The following TXNRD1 variants were observed in gnomAD, a reference collection of about 807,000 sequenced individuals.
TXNRD1 encodes thioredoxin reductase 1, cytoplasmic.
A neutral mutation model predicts 80.3 loss-of-function variants in TXNRD1; 57 were observed. The observed-to-expected ratio is 0.71, with a 90% confidence interval of 0.57 to 0.89. TXNRD1 has a LOEUF of 0.89. TXNRD1 is among the 40% of genes least tolerant of loss of function. The pLI, the probability that TXNRD1 is intolerant of heterozygous loss-of-function variation, is 0.00. For missense variants in TXNRD1, 730 were observed against 803.0 expected, an observed-to-expected ratio of 0.91 and a Z score of 1.10; for synonymous variants, 291 against 285.2, an observed-to-expected ratio of 1.02 and a Z score of -0.20.
chr12:104,291,761 C>G (rs969550055), intron 4 of TXNRD1, among the ~76,000 whole-genome samples: 1 of 152,140 alleles, frequency 6.6e-6, no homozygotes, highest in Admixed American at 6.5e-5. Context: ...GGATTATGGG[C>G]GTGAGCCACC....
At chr12:104,229,562 C>CATTTTATTTTATTTTATTTT (rs201478909) in intron 1 of TXNRD1, among the ~76,000 whole-genome samples, 6,635 of 141,904 alleles carry the variant, frequency 0.047, 241 homozygotes, top group African/African-American at 0.084. Context: ...GAATATACAA[C>CATTTTATTTTATTTTATTTT]ATTTTATTTT....
chr12:104,258,581 C>T (rs953476444), intron 3 of TXNRD1, among the ~76,000 whole-genome samples: 2 of 152,130 alleles, frequency 1.3e-5, no homozygotes, highest in African/African-American at 2.4e-5. Context: ...GACCATGGTG[C>T]TCCTTTTTTG....
intron 2 of TXNRD1, among the ~76,000 whole-genome samples, chr12:104,256,493 G>A (rs7138317): frequency 0.91 from 138,382 of 152,194 alleles, 63,152 homozygotes; most frequent in African/African-American, 0.98. Context: ...TAAGAAAAAG[G>A]CTACTGGCTG....
At chr12:104,271,398 C>T (rs946244844) in intron 3 of TXNRD1, among the ~76,000 whole-genome samples, 4 of 151,882 alleles carry the variant, frequency 2.6e-5, no homozygotes, top group Admixed American at 1.3e-4. Flanking sequence ...AGGATGGTCT[C>T]GATCTCCTGA....
chr12:104,234,653 AAAAG>A (rs1192299488), intron 1 of TXNRD1, among the ~76,000 whole-genome samples: 19 of 151,648 alleles, frequency 1.3e-4, no homozygotes, highest in African/African-American at 4.3e-4. Flanking sequence ...AAAAAAAAAA[AAAAG>A]AAGCCTTCCA....
At chr12:104,238,205 C>G (rs1346785301) in intron 1 of TXNRD1, among the ~76,000 whole-genome samples, 3 of 152,094 alleles carry the variant, frequency 2.0e-5, no homozygotes, top group Non-Finnish European at 4.4e-5. Flanking sequence ...CAATTGTTGT[C>G]TTGCTTTGTT....
intron 1 of TXNRD1, among the ~76,000 whole-genome samples, chr12:104,226,997 T>C (rs1169407227): frequency 6.6e-6 from 1 of 152,136 alleles, no homozygotes; most frequent in African/African-American, 2.4e-5. Flanking sequence ...GTAATAAATA[T>C]GTTAAGACCC....
intron 16 of TXNRD1, among the ~76,000 whole-genome samples, chr12:104,340,825 G>C (rs1375870868): frequency 6.6e-6 from 1 of 151,922 alleles, no homozygotes; most frequent in African/African-American, 2.4e-5. Context: ...AGGGTTATGG[G>C]GACACAATTC....
chr12:104,256,814 G>T (rs2033262180), intron 2 of TXNRD1, among the ~76,000 whole-genome samples: 1 of 149,392 alleles, frequency 6.7e-6, no homozygotes, highest in African/African-American at 2.5e-5. Flanking sequence ...GAAAGAAAAA[G>T]AAGACTAATG....
intron 10 of TXNRD1, among the ~76,000 whole-genome samples, chr12:104,323,378 G>A (rs1012840620): frequency 1.3e-5 from 2 of 149,372 alleles, no homozygotes; most frequent in Non-Finnish European, 3.0e-5. Flanking sequence ...CAGTAGGGGC[G>A]GCCGGGGCGG....
At chr12:104,303,759 C>G in intron 4 of TXNRD1, 1 of 1,128,514 alleles carries the variant, frequency 8.9e-7, no homozygotes. Context: ...GTCCTCGGCT[C>G]TAACTGCCGC....
At chr12:104,228,013 A>G (rs904557670) in intron 1 of TXNRD1, among the ~76,000 whole-genome samples, 6 of 152,096 alleles carry the variant, frequency 3.9e-5, no homozygotes, top group African/African-American at 1.4e-4. Flanking sequence ...TTAAAAATTG[A>G]TATATAAGGC....
intron 1 of TXNRD1, among the ~76,000 whole-genome samples, chr12:104,246,720 A>G (rs548864876): frequency 7.9e-5 from 12 of 151,614 alleles, no homozygotes; most frequent in Admixed American, 7.2e-4. Context: ...ACTGGGTTTC[A>G]CCATGTTGAC....
intron 16 of TXNRD1, among the ~76,000 whole-genome samples, chr12:104,348,068 C>G (rs2036550625): frequency 6.6e-6 from 1 of 152,180 alleles, no homozygotes; most frequent in South Asian, 2.1e-4. Context: ...AGAGGGTTGA[C>G]AAGCACCTGT....
rs1160121897 is a variant in TXNRD1 at position 104,232,334 on chromosome 12, G to T, written c.91+16441G>T. On this transcript the variant is annotated intron_variant, in intron 1 of 16. Coordinates refer to ENST00000525566, the MANE Select transcript of TXNRD1 (RefSeq NM_001093771.3). ...TCCCAACACTTTGGGAGGCCGAGGT[G>T]GGCAGATCATGAGGTGAAGAGATCA... Among the ~76,000 whole-genome samples the T allele has an allele frequency of 4.6e-5, 7 of 152,230 alleles. 1 individual carries two copies. In the Middle Eastern group the frequency reaches 0.02, roughly 444 times the overall value.
intron 5 of TXNRD1, among the ~76,000 whole-genome samples, chr12:104,312,108 C>T (rs573207316): frequency 1.3e-4 from 20 of 152,038 alleles, no homozygotes; most frequent in Non-Finnish European, 2.1e-4. Flanking sequence ...TAATATTTGT[C>T]TTTTTCACTT....
At chr12:104,298,507 C>T (rs1001700543) in intron 4 of TXNRD1, among the ~76,000 whole-genome samples, 1 of 152,030 alleles carries the variant, frequency 6.6e-6, no homozygotes, top group East Asian at 1.9e-4. Context: ...AGGTGGATCA[C>T]GAGATGAGGA....
intron 4 of TXNRD1, among the ~76,000 whole-genome samples, chr12:104,302,909 C>T (rs777772254): frequency 5.3e-5 from 8 of 152,218 alleles, no homozygotes; most frequent in Non-Finnish European, 1.2e-4. Flanking sequence ...TTTTCCCACG[C>T]AGATTACTCA....
intron 2 of TXNRD1, among the ~76,000 whole-genome samples, chr12:104,256,790 A>AG (rs1555208106): frequency 3.4e-4 from 49 of 142,518 alleles, no homozygotes; most frequent in African/African-American, 1.2e-3. Context: ...AAAAAAAAAA[A>AG]AGAAAAAGAA....
Sources: gnomAD v4.1 joint callset for allele counts (sites outside exome capture counted in the v4.1 genomes callset) on GRCh38, gnomAD v4.1.1 for gene constraint, MANE v1.5 for transcripts, NCBI Gene and HGNC (gene_info 2026-07-23, HGNC 2026-07-21) for gene names.